FBXL7: variants seen among roughly 807,000 people sequenced by gnomAD.
FBXL7 encodes the protein F-box/LRR-repeat protein 7.
A neutral mutation model predicts 38.3 loss-of-function variants in FBXL7; 12 were observed. The ratio of observed to expected loss-of-function variants is 0.31; its 90% CI spans 0.20 to 0.51. FBXL7 has a LOEUF of 0.51. Ranked by LOEUF, FBXL7 falls within the 20% of genes least tolerant of loss-of-function variation. The probability of loss-of-function intolerance (pLI) is 0.98; values close to 1 mark genes in which losing one functional copy is unlikely to be tolerated. For missense variants in FBXL7, 567 were observed against 676.4 expected, an observed-to-expected ratio of 0.84 and a Z score of 1.79; for synonymous variants, 297 against 300.9, an observed-to-expected ratio of 0.99 and a Z score of 0.13.
intron 1 of FBXL7, among the ~76,000 whole-genome samples, chr5:15,508,837 T>C (rs949097922): frequency 6.6e-6 from 1 of 152,228 alleles, no homozygotes; most frequent in African/African-American, 2.4e-5. Context: ...AGATATTAAT[T>C]TTGAAAATCT....
intron 2 of FBXL7, among the ~76,000 whole-genome samples, chr5:15,913,013 AC>A (rs1249254106): frequency 2.0e-5 from 3 of 152,214 alleles, no homozygotes; most frequent in Admixed American, 6.5e-5. Context: ...AAGTCTCTTT[AC>A]GTGTTCTTTC....
intron 2 of FBXL7, among the ~76,000 whole-genome samples, chr5:15,729,239 A>G (rs1735509008): frequency 6.6e-6 from 1 of 152,100 alleles, no homozygotes; most frequent in African/African-American, 2.4e-5. Context: ...GCCTTCATAT[A>G]TTTGGGTGTC....
chr5:15,529,511 G>A (rs1206460468), intron 1 of FBXL7, among the ~76,000 whole-genome samples: 1 of 151,732 alleles, frequency 6.6e-6, no homozygotes, highest in Non-Finnish European at 1.5e-5. Flanking sequence ...TCAGCCTCCC[G>A]AGTAGCTGGG....
chr5:15,663,120 TC>T (rs1742146816), intron 2 of FBXL7, among the ~76,000 whole-genome samples: 1 of 152,234 alleles, frequency 6.6e-6, no homozygotes, highest in African/African-American at 2.4e-5. Context: ...TATTGATTCT[TC>T]CTATTCATGA....
In FBXL7 at chr5:15,936,667, G is replaced by T. The variant is rs1742198380; in HGVS notation, c.957G>T (p.Leu319=). Residue 319 remains leucine, a synonymous_variant, in exon 4 of 4, where the codon CTG becomes CTT. Coordinates refer to ENST00000504595, the MANE Select transcript of FBXL7 (RefSeq NM_012304.5). The surrounding 1 kb of genome is among the most constrained non-coding windows in gnomAD (Gnocchi z 6.0). ...TGACCGACGAAGGCCTGCGCTACCTGGTGATCTACTGCGCCTCCATCAAGG... is the reference window on the plus strand; with the variant it reads ...TGACCGACGAAGGCCTGCGCTACCTTGTGATCTACTGCGCCTCCATCAAGG... ...VRLTDEGLRY[L]VIYCASIKEL... is the part of the protein sequence containing the mutation. 2.5e-6 allele frequency: 4 copies of T among 1,608,446 alleles called. No homozygotes were observed. Among genetic ancestry groups the T allele is most frequent in the Non-Finnish European group, 3.4e-6 (4 of 1,179,688 alleles).
intron 2 of FBXL7, among the ~76,000 whole-genome samples, chr5:15,923,083 G>C (rs1741785422): frequency 6.6e-6 from 1 of 152,204 alleles, no homozygotes; most frequent in Non-Finnish European, 1.5e-5. Context: ...ACCAGGAGGA[G>C]GGTTGCAGAA....
intron 3 of FBXL7, among the ~76,000 whole-genome samples, chr5:15,933,819 G>A (rs533590391): frequency 2.6e-5 from 4 of 152,290 alleles, no homozygotes; most frequent in African/African-American, 9.6e-5. Context: ...TGGATATTGC[G>A]TGAAACAGCC....
intron 1 of FBXL7, among the ~76,000 whole-genome samples, chr5:15,613,724 C>G (rs1020876130): frequency 1.3e-5 from 2 of 152,152 alleles, no homozygotes; most frequent in African/African-American, 4.8e-5. Context: ...GAGTTCTACT[C>G]TGTATGAATT....
intron 2 of FBXL7, among the ~76,000 whole-genome samples, chr5:15,820,591 C>T (rs1037990585): frequency 2.0e-5 from 3 of 152,124 alleles, no homozygotes; most frequent in African/African-American, 7.2e-5. Flanking sequence ...TTTCAGTTTT[C>T]CTGTTTCCTT....
chr5:15,738,180 G>A (rs202177959), intron 2 of FBXL7, among the ~76,000 whole-genome samples: 8 of 152,170 alleles, frequency 5.3e-5, no homozygotes, highest in Middle Eastern at 3.4e-3. Context: ...GTCTGGCTCC[G>A]TTTAAGTTGT....
chr5:15,635,858 G>A (rs148552611), intron 2 of FBXL7, among the ~76,000 whole-genome samples: 69 of 152,088 alleles, frequency 4.5e-4, no homozygotes, highest in Middle Eastern at 3.4e-3. Flanking sequence ...GCTGTCTTGG[G>A]ACCATGTGAG....
intron 2 of FBXL7, among the ~76,000 whole-genome samples, chr5:15,769,947 G>T (rs1269035736): frequency 6.6e-6 from 1 of 152,278 alleles, no homozygotes; most frequent in East Asian, 1.9e-4. Context: ...TTATCTCAAA[G>T]TAGAGATAAG....
chr5:15,792,855 C>T (rs1176735673), intron 2 of FBXL7, among the ~76,000 whole-genome samples: 1 of 152,208 alleles, frequency 6.6e-6, no homozygotes, highest in Non-Finnish European at 1.5e-5. Context: ...TACCTTGATG[C>T]TCACACCAGT....
At chr5:15,604,257 G>T (rs1739918518) in intron 1 of FBXL7, among the ~76,000 whole-genome samples, 2 of 152,156 alleles carry the variant, frequency 1.3e-5, no homozygotes, top group Non-Finnish European at 2.9e-5. Context: ...AATGCACAAT[G>T]GATTGATTTT....
chr5:15,678,060 G>A (rs1214490440), intron 2 of FBXL7, among the ~76,000 whole-genome samples: 2 of 152,118 alleles, frequency 1.3e-5, no homozygotes, highest in Non-Finnish European at 2.9e-5. Context: ...TCCTGCATGG[G>A]AAATGAAGCT....
chr5:15,821,248 AT>A (rs920777317), intron 2 of FBXL7, among the ~76,000 whole-genome samples: 28 of 152,282 alleles, frequency 1.8e-4, no homozygotes, highest in African/African-American at 6.3e-4. Context: ...TCATAAAATA[AT>A]TTTTTTAGAA....
At chr5:15,769,078 C>G (rs1736664718) in intron 2 of FBXL7, among the ~76,000 whole-genome samples, 1 of 152,160 alleles carries the variant, frequency 6.6e-6, no homozygotes, top group Admixed American at 6.5e-5. Context: ...GGCATAGAGG[C>G]ACGGAGGCTG....
intron 1 of FBXL7, among the ~76,000 whole-genome samples, chr5:15,585,768 CA>C (rs1739280629): frequency 6.6e-6 from 1 of 152,164 alleles, no homozygotes; most frequent in Non-Finnish European, 1.5e-5. Flanking sequence ...AGAGTTGTAT[CA>C]TATTAAATAT....
intron 2 of FBXL7, among the ~76,000 whole-genome samples, chr5:15,726,922 CCTT>C (rs1391835480): frequency 6.6e-6 from 1 of 151,574 alleles, no homozygotes; most frequent in Admixed American, 6.6e-5. Flanking sequence ...TGCATTACTG[CCTT>C]CTTTTGTGTT....
Sources: gnomAD v4.1 joint callset for allele counts (sites outside exome capture counted in the v4.1 genomes callset) on GRCh38, gnomAD v4.1.1 for gene constraint, Gnocchi (gnomAD v3.1) non-coding constraint, MANE v1.5 for transcripts, NCBI Gene and HGNC (gene_info 2026-07-23, HGNC 2026-07-21) for gene names.